The following CSMD1 variants were observed in gnomAD, a reference collection of about 807,000 sequenced individuals.
CSMD1 encodes the protein CUB and sushi domain-containing protein 1.
Under a neutral mutation model 417.5 loss-of-function variants are expected in CSMD1, and 213 were observed. The ratio of observed to expected loss-of-function variants is 0.51; its 90% CI spans 0.46 to 0.57. The LOEUF is 0.57. Ranked by LOEUF, CSMD1 falls within the 20% of genes least tolerant of loss-of-function variation. The pLI is 0.00. For synonymous variants in CSMD1, 2,862 were observed against 1,736.8 expected (o/e 1.65, Z -16.11); for missense variants, 6,923 against 4,529.7 (o/e 1.53, Z -15.17).
chr8:4,711,423 T>G (rs1251429669), intron 1 of CSMD1, among the ~76,000 whole-genome samples: 2 of 152,198 alleles, frequency 1.3e-5, no homozygotes, highest in Non-Finnish European at 2.9e-5. Context: ...GACAAATTGT[T>G]TAGTAATAGC....
rs1249228662 is a variant in CSMD1 at position 2,998,194 on chromosome 8, G to C, written c.8204-10C>G. 15 of 1,613,154 alleles carry C rather than the reference G, an allele frequency of 9.3e-6. No homozygotes were observed. The highest frequency in any genetic ancestry group is 1.0e-5 in the Non-Finnish European group (12 of 1,179,378). ...TGACCACATGTGATGGCTGTAGAGA[G>C]ACAGGTCAACGTCATTGTTAAATAT... On this transcript the variant is annotated splice_polypyrimidine_tract_variant and intron_variant, in intron 53 of 69. Transcript: ENST00000635120.
intron 3 of CSMD1, among the ~76,000 whole-genome samples, chr8:4,067,171 G>A (rs1179513010): frequency 6.6e-6 from 1 of 152,182 alleles, no homozygotes; most frequent in Non-Finnish European, 1.5e-5. Flanking sequence ...GAAAGATACT[G>A]GGTGAAAGGC....
intron 1 of CSMD1, among the ~76,000 whole-genome samples, chr8:4,961,049 G>C (rs77241623): frequency 6.6e-6 from 1 of 151,930 alleles, no homozygotes; most frequent in Non-Finnish European, 1.5e-5. Context: ...CTCACCCTAC[G>C]AAATAGTCAC....
At position 4,836,759 on chromosome 8, in the gene CSMD1, T is replaced by G. The variant is rs1424925035; in HGVS notation, c.85+157573A>C. ...ACCCCCAGATATCAAAGTACATGTC[T>G]CCACAGGAGTCTTGACTCCTGTGTG... On this transcript the variant is annotated intron_variant, in intron 1 of 69. Coordinates refer to ENST00000635120, the MANE Select transcript of CSMD1 (RefSeq NM_033225.6). Among the ~76,000 whole-genome samples the G allele has an allele frequency of 5.3e-5, 8 of 152,156 alleles. No homozygotes were observed. In the East Asian group the frequency reaches 1.5e-3, roughly 29 times the overall value.
At chr8:3,403,672 T>A (rs771045446) in intron 15 of CSMD1, among the ~76,000 whole-genome samples, 1 of 151,972 alleles carries the variant, frequency 6.6e-6, no homozygotes, top group East Asian at 1.9e-4. Context: ...GAGATGAGAG[T>A]GTAGTGTTCA....
intron 47 of CSMD1, among the ~76,000 whole-genome samples, chr8:3,092,725 T>C (rs879884074): frequency 1.9e-4 from 29 of 152,212 alleles, no homozygotes; most frequent in Admixed American, 4.6e-4. Context: ...ATTGCCCTCA[T>C]CACCATAACC....
At position 4,800,117 on chromosome 8, in the gene CSMD1, G is replaced by C. The variant is rs1428185571; in HGVS notation, c.86-162559C>G. 4.6e-5 allele frequency among the ~76,000 whole-genome samples: 7 copies of C among 152,044 alleles called. No homozygotes were observed. The East Asian group carries it at 5.8e-4, about 13-fold the overall frequency. On this transcript the variant is annotated intron_variant, in intron 1 of 69. Coordinates refer to ENST00000635120, the MANE Select transcript of CSMD1 (RefSeq NM_033225.6). ...TTTTTATATAAAGCGTATCCTTTTT[G>C]TTTCCTATATAATTGTTATTAATAC... is the stretch of plus-strand genomic sequence containing the variant.
chr8:2,970,075 T>A (rs1804310075), intron 57 of CSMD1, among the ~76,000 whole-genome samples: 2 of 152,312 alleles, frequency 1.3e-5, no homozygotes, highest in East Asian at 3.9e-4. Flanking sequence ...AATGTCTAAC[T>A]TTAGAAAGCA....
chr8:4,303,420 C>CTTT lies in CSMD1; in HGVS notation c.415+116532_415+116533insAAA, dbSNP rs1563419612. On this transcript the variant is annotated intron_variant, in intron 3 of 69. Transcript: ENST00000635120. ...TCTCATTTATATATTGGGCAGGAAGCTGTTTTTTTTTTTTTTTTTTTTTTT... is the reference window on the plus strand; with the variant it reads ...TCTCATTTATATATTGGGCAGGAAGCTTTTGTTTTTTTTTTTTTTTTTTTTTTT... 1.2e-3 allele frequency among the ~76,000 whole-genome samples: 114 copies of CTTT among 92,318 alleles called. 3 individuals are homozygous for CTTT. Among genetic ancestry groups the CTTT allele is most frequent in the Middle Eastern group, 8.2e-3 (1 of 122 alleles). The allele number at this position is 92,318 out of a possible 152,430, so 60.6% of individuals were successfully genotyped here. A position where few individuals can be genotyped will look rare whatever the true frequency, so the allele number is the denominator to read the frequency against.
At chr8:3,488,239 A>G (rs1818172302) in intron 11 of CSMD1, among the ~76,000 whole-genome samples, 1 of 152,010 alleles carries the variant, frequency 6.6e-6, no homozygotes, top group Admixed American at 6.6e-5. Flanking sequence ...AGTAGCTGGG[A>G]CTGCAGGCAT....
chr8:4,886,651 T>A (rs1056677883), intron 1 of CSMD1, among the ~76,000 whole-genome samples: 3 of 152,058 alleles, frequency 2.0e-5, no homozygotes, highest in Non-Finnish European at 4.4e-5. Flanking sequence ...GTAGATATTT[T>A]TATTTCCAAG....
At position 3,284,163 on chromosome 8, in the gene CSMD1, G is replaced by C. The variant is rs371919823; in HGVS notation, c.4134C>G (p.Gly1378=). Residue 1378 remains glycine (G), a synonymous_variant, in exon 26 of 70, where the codon GGC becomes GGG. Transcript: ENST00000635120. ...ACCTACTGGAGAACTGGATGGAGAA[G>C]CCAGACTTGCTGATGAAGAAGTCGC... ...FDSDFFISKS[G]FSIQFSTSIA... The C allele has an allele frequency of 1.9e-6, 3 of 1,572,136 alleles. No individual in the cohort carries two copies. The highest frequency in any genetic ancestry group is 2.4e-5 in the East Asian group (1 of 42,248).
chr8:4,115,813 A>G (rs1802104077), intron 3 of CSMD1, among the ~76,000 whole-genome samples: 1 of 152,012 alleles, frequency 6.6e-6, no homozygotes, highest in South Asian at 2.1e-4. Context: ...CATATTTCTC[A>G]GTAAAAAAAA....
intron 4 of CSMD1, among the ~76,000 whole-genome samples, chr8:4,008,748 A>G (rs373861198): frequency 2.0e-5 from 3 of 151,436 alleles, no homozygotes; most frequent in African/African-American, 7.3e-5. Context: ...GTAGCTGGGA[A>G]TACAGGCATC....
At chr8:4,814,230 G>A (rs1799073494) in intron 1 of CSMD1, among the ~76,000 whole-genome samples, 2 of 152,154 alleles carry the variant, frequency 1.3e-5, no homozygotes, top group Admixed American at 1.3e-4. Flanking sequence ...GTGTGCGTGT[G>A]CGCATGTGCG....
At chr8:4,553,349 T>G (rs771341154) in intron 2 of CSMD1, among the ~76,000 whole-genome samples, 12 of 152,204 alleles carry the variant, frequency 7.9e-5, no homozygotes, top group Non-Finnish European at 1.6e-4. Context: ...CATTAATTAC[T>G]CCTGACAGGC....
At chr8:3,668,111 G>A (rs568252048) in intron 7 of CSMD1, among the ~76,000 whole-genome samples, 51 of 152,272 alleles carry the variant, frequency 3.3e-4, no homozygotes, top group African/African-American at 1.2e-3. Context: ...AGGCAATGGG[G>A]AGAGAGCGTT....
At chr8:3,805,986 CTT>C (rs142416810) in intron 5 of CSMD1, among the ~76,000 whole-genome samples, 2,241 of 152,272 alleles carry the variant, frequency 0.015, 47 homozygotes, top group East Asian at 0.038. Flanking sequence ...CTAGGCAAGA[CTT>C]TTGCTCAGGC....
At chr8:3,760,036 G>T (rs1036916896) in intron 5 of CSMD1, among the ~76,000 whole-genome samples, 4 of 152,122 alleles carry the variant, frequency 2.6e-5, no homozygotes, top group Non-Finnish European at 5.9e-5. Flanking sequence ...CACACGCCTG[G>T]TGAAATCAAA....
Sources: gnomAD v4.1 joint callset for allele counts (sites outside exome capture counted in the v4.1 genomes callset) on GRCh38, gnomAD v4.1.1 for gene constraint, MANE v1.5 for transcripts, NCBI Gene and HGNC (gene_info 2026-07-23, HGNC 2026-07-21) for gene names.